Variants in PKD2L1 observed in about 807,000 individuals in gnomAD.
PKD2L1 encodes polycystin 2 like 1, transient receptor potential cation channel.
A neutral mutation model predicts 93.0 loss-of-function variants in PKD2L1; 77 were observed. That is an observed-to-expected ratio of 0.83 (90% CI 0.69 to 1.00). The LOEUF (loss-of-function observed/expected upper bound fraction) is 1.00. Ranked by LOEUF, PKD2L1 falls within the 50% of genes least tolerant of loss-of-function variation. The pLI is 0.00. For synonymous variants in PKD2L1, 390 were observed against 388.0 expected, an observed-to-expected ratio of 1.01 and a Z score of -0.06; for missense variants, 977 against 990.9, an observed-to-expected ratio of 0.99 and a Z score of 0.19.
Position 100,293,265 on chromosome 10 carries a change from G to A in PKD2L1, c.1758+16C>T. 1 of 1,576,904 alleles carries A rather than the reference G, an allele frequency of 6.3e-7. No individual in the cohort carries two copies. The highest frequency in any genetic ancestry group is 8.7e-7 in the Non-Finnish European group (1 of 1,146,024). On this transcript the variant is annotated intron_variant, in intron 10 of 15. Transcript: ENST00000318222. ...CACTGATGGAAATGTGTAGCTCAAG[G>A]AGATTGAGCAATCACCTGTTTCAGG...
At chr10:100,323,520 C>T (rs958613005) in intron 2 of PKD2L1, among the ~76,000 whole-genome samples, 2 of 152,146 alleles carry the variant, frequency 1.3e-5, no homozygotes, top group South Asian at 2.1e-4. Context: ...CCACCCGCCT[C>T]GGTCTGCCGA....
intron 14 of PKD2L1, among the ~76,000 whole-genome samples, chr10:100,289,798 C>G (rs1207646176): frequency 1.3e-5 from 2 of 152,192 alleles, no homozygotes; most frequent in African/African-American, 4.8e-5. Flanking sequence ...CACAGACCAT[C>G]TCATGTGGCC....
intron 12 of PKD2L1, 104 bp downstream of exon 12, chr10:100,291,197 T>G: frequency 3.3e-6 from 4 of 1,194,728 alleles, no homozygotes; most frequent in Non-Finnish European, 4.7e-6. Context: ...TTCTTTACTA[T>G]CTATGGGAGA....
intron 8 of PKD2L1, 45 bp downstream of exon 8, chr10:100,294,897 G>A (rs1848489327): frequency 6.5e-7 from 1 of 1,539,586 alleles, no homozygotes; most frequent in Non-Finnish European, 8.9e-7. Context: ...CCGTGGAGCT[G>A]GAGGGTGAGG....
chr10:100,290,559 C>G, intron 12 of PKD2L1, 40 bp from the exon 13 acceptor site: 1 of 1,329,974 alleles, frequency 7.5e-7, no homozygotes, highest in East Asian at 2.3e-5. Context: ...GGAGATAACT[C>G]TGGGAAGCCA....
At chr10:100,299,982 G>C in intron 2 of PKD2L1, among the ~76,000 whole-genome samples, 1 of 152,192 alleles carries the variant, frequency 6.6e-6, no homozygotes, top group East Asian at 1.9e-4. Flanking sequence ...GTCTTACATT[G>C]TTATTATAAA....
At chr10:100,310,193 A>T (rs1848901883) in intron 2 of PKD2L1, among the ~76,000 whole-genome samples, 1 of 152,050 alleles carries the variant, frequency 6.6e-6, no homozygotes, top group Non-Finnish European at 1.5e-5. Context: ...AATTAGCTGG[A>T]TGTGGTGGCA....
At chr10:100,323,605 T>C (rs1449381334) in intron 2 of PKD2L1, among the ~76,000 whole-genome samples, 2 of 152,128 alleles carry the variant, frequency 1.3e-5, no homozygotes, top group African/African-American at 4.8e-5. Flanking sequence ...GTAATGTTTC[T>C]TCAGATGTAT....
chr10:100,315,025 G>T (rs1431538289), intron 2 of PKD2L1, among the ~76,000 whole-genome samples: 1 of 10,116 alleles, frequency 9.9e-5, no homozygotes, highest in Non-Finnish European at 1.6e-4. Flanking sequence ...GGAAGGGAAG[G>T]GAAGGGAAGG....
In PKD2L1 at chr10:100,329,324, C is replaced by T; in HGVS notation, c.236G>A (p.Gly79Glu). Residue 79 changes from glycine to glutamate, a missense_variant and splice_region_variant, in exon 2 of 16, where the codon GGA (glycine) becomes GAA (glutamate). Gly to Glu is a moderately conservative substitution (Grantham distance 98). Coordinates refer to ENST00000318222, the MANE Select transcript of PKD2L1 (RefSeq NM_016112.3). ...CCLHICQGIR[G>E]LWGTTLTENT... Reference sequence around the variant, plus strand: ...CTCAGTCAGGGTTGTTCCCCAAAGTCCTAAGGGGCATGGGAGAGATGCCTG... The same window carrying T: ...CTCAGTCAGGGTTGTTCCCCAAAGTTCTAAGGGGCATGGGAGAGATGCCTG... 1 of 1,614,188 alleles carries T rather than the reference C, an allele frequency of 6.2e-7. No homozygotes were observed. Among genetic ancestry groups the T allele is most frequent in the East Asian group, 2.2e-5 (1 of 44,882 alleles).
At position 100,329,900 on chromosome 10, in the gene PKD2L1, G is replaced by C. The variant is rs1849466185; in HGVS notation, c.204C>G (p.Ser68Arg). 12 of 1,612,820 alleles carry C rather than the reference G, an allele frequency of 7.4e-6. No individual in the cohort carries two copies. Among genetic ancestry groups the C allele is most frequent in the South Asian group, 1.1e-5 (1 of 91,014 alleles). The change falls in exon 1 of 16, where the codon AGC (serine) becomes AGG (arginine). Residue 68 changes from serine (S) to arginine (R), a missense_variant. Coordinates refer to ENST00000318222, the MANE Select transcript of PKD2L1 (RefSeq NM_016112.3). ...QETAYRTQVS[S>R]CCLHICQGIR... ...TGCCTTGACAGATATGGAGGCAGCA[G>C]CTGGACACCTGGGTCCTGTATGCCG...
At chr10:100,312,455 C>T (rs977037795) in intron 2 of PKD2L1, among the ~76,000 whole-genome samples, 1 of 152,170 alleles carries the variant, frequency 6.6e-6, no homozygotes, top group Non-Finnish European at 1.5e-5. Flanking sequence ...AATCCAAGAT[C>T]CTGTTAGTGA....
chr10:100,296,043 A>AG, intron 7 of PKD2L1, 79 bp downstream of exon 7: 1 of 1,386,858 alleles, frequency 7.2e-7, no homozygotes, highest in Non-Finnish European at 9.9e-7. Flanking sequence ...TCAAAAAAAA[A>AG]AAAAAGAAAA....
At chr10:100,317,827 T>C (rs1849134083) in intron 2 of PKD2L1, among the ~76,000 whole-genome samples, 1 of 152,088 alleles carries the variant, frequency 6.6e-6, no homozygotes, top group South Asian at 2.1e-4. Context: ...ACACCTGTAA[T>C]CCCAGCACTT....
rs11329633 is a variant in PKD2L1 at position 100,305,114 on chromosome 10, CTT to C, written c.350-5398_350-5397del. On this transcript the variant is annotated intron_variant, in intron 2 of 15. Coordinates refer to ENST00000318222, the MANE Select transcript of PKD2L1 (RefSeq NM_016112.3). ...TAAGTGAATCATTTTCTCTTCTTGT[CTT>C]TTTTTTTTTTTTTGAGATGGAGTCT... Among the ~76,000 whole-genome samples, 361 of 139,038 alleles carry C rather than the reference CTT, an allele frequency of 2.6e-3. 6 individuals carry two copies. The East Asian group carries it at 0.044, about 17-fold the overall frequency. The allele number at this position is 139,038 out of a possible 152,430, so 91.2% of individuals were successfully genotyped here. A position where few individuals can be genotyped will look rare whatever the true frequency, so the allele number is the denominator to read the frequency against.
intron 15 of PKD2L1, among the ~76,000 whole-genome samples, chr10:100,288,731 A>G (rs983997056): frequency 1.3e-5 from 2 of 152,106 alleles, no homozygotes; most frequent in Non-Finnish European, 2.9e-5. Context: ...TAAAAGGCCC[A>G]GTGGAAGACG....
intron 2 of PKD2L1, among the ~76,000 whole-genome samples, chr10:100,302,014 T>C (rs1848690209): frequency 6.6e-6 from 1 of 152,178 alleles, no homozygotes; most frequent in South Asian, 2.1e-4. Context: ...TTTGTATTTT[T>C]AGTAGAGATG....
At chr10:100,327,433 G>T (rs1393745284) in intron 2 of PKD2L1, among the ~76,000 whole-genome samples, 1 of 152,214 alleles carries the variant, frequency 6.6e-6, no homozygotes, top group Non-Finnish European at 1.5e-5. Context: ...AGAAAGCAGA[G>T]AACATGAGTG....
chr10:100,315,120 A>G (rs75526547), intron 2 of PKD2L1, among the ~76,000 whole-genome samples: 864 of 42,962 alleles, frequency 0.02, 265 homozygotes, highest in Middle Eastern at 0.033. Flanking sequence ...GGAAGGGAAG[A>G]GAAAACAGTT....
Sources: gnomAD v4.1 joint callset for allele counts (sites outside exome capture counted in the v4.1 genomes callset) on GRCh38, gnomAD v4.1.1 for gene constraint, MANE v1.5 for transcripts, NCBI Gene and HGNC (gene_info 2026-07-23, HGNC 2026-07-21) for gene names.